Variants in SARDH observed in about 807,000 individuals in gnomAD.
SARDH encodes the protein sarcosine dehydrogenase, mitochondrial.
SARDH carries 95 observed loss-of-function variants against 109.1 expected under a neutral mutation model. The ratio of observed to expected loss-of-function variants is 0.87; its 90% CI spans 0.74 to 1.03. The LOEUF (loss-of-function observed/expected upper bound fraction) is 1.03, where lower values mean the gene tolerates loss of function less well. Ranked by LOEUF, SARDH falls within the 50% of genes least tolerant of loss-of-function variation. The pLI, the probability that SARDH is intolerant of heterozygous loss-of-function variation, is 0.00. For synonymous variants in SARDH, 572 were observed against 534.8 expected (o/e 1.07, Z -0.96); for missense variants, 1,267 against 1,287.8 (o/e 0.98, Z 0.25).
At position 133,725,730 on chromosome 9, in the gene SARDH, T is replaced by G. The variant is rs149545309; in HGVS notation, c.915+4035A>C. 78 of 237,968 alleles carry G rather than the reference T, an allele frequency of 3.3e-4. No homozygotes were observed. The East Asian group carries it at 9.0e-3, about 28-fold the overall frequency. The allele number at this position is 237,968 out of a possible 1,614,324, so 14.7% of individuals were successfully genotyped here. On this transcript the variant is annotated intron_variant, in intron 6 of 20. Transcript: ENST00000439388. Reference sequence around the variant, plus strand: ...AAAAGCAGTGTTTACATCATCATAATATTGCAGAGAGGAACCACTGATTTA... The same window carrying G: ...AAAAGCAGTGTTTACATCATCATAAGATTGCAGAGAGGAACCACTGATTTA...
rs533252336 is a variant in SARDH at position 133,690,552 on chromosome 9, G to C, written c.1922-25C>G. 63 of 1,585,702 alleles carry C rather than the reference G, an allele frequency of 4.0e-5. 1 individual carries two copies. The South Asian group carries it at 6.3e-4, about 16-fold the overall frequency. On this transcript the variant is annotated intron_variant, in intron 15 of 20. Transcript: ENST00000439388. ...CCTGGAAGAGAGGCACCTGGACTTA[G>C]AGCAGGATTTCAGGGCCTGGGAGGT...
Position 133,702,718 on chromosome 9 carries a change from G to A in SARDH, c.1668+198C>T, listed in dbSNP as rs575904517. On this transcript the variant is annotated intron_variant, in intron 13 of 20. Coordinates refer to ENST00000439388, the MANE Select transcript of SARDH (RefSeq NM_001134707.2). ...CAGGCCTGGCTGCTGGCAAAATCTC[G>A]GCACAGAGGGAGGAGGGGGAGAGGA... 1.1e-4 allele frequency among the ~76,000 whole-genome samples: 9 copies of A among 81,476 alleles called. No homozygotes were observed. The East Asian group carries it at 3.9e-3, about 35-fold the overall frequency. 53.5% of individuals were successfully genotyped at this position (81,476 alleles called of 152,430 possible). A position where few individuals can be genotyped will look rare whatever the true frequency, so the allele number is the denominator to read the frequency against.
chr9:133,660,756 C>T (rs1033061249), downstream of SARDH, among the ~76,000 whole-genome samples: 1 of 152,174 alleles, frequency 6.6e-6, no homozygotes, highest in African/African-American at 2.4e-5. Context: ...GTGAGGAATG[C>T]TCATGCCCAT....
At chr9:133,680,599 G>A (rs1564244209) in intron 17 of SARDH, among the ~76,000 whole-genome samples, 1 of 152,238 alleles carries the variant, frequency 6.6e-6, no homozygotes, top group South Asian at 2.1e-4. Flanking sequence ...TCAAGAGGAG[G>A]CAGAGGTCAC....
chr9:133,707,971 C>T (rs1472912432), intron 11 of SARDH, among the ~76,000 whole-genome samples: 2 of 152,206 alleles, frequency 1.3e-5, no homozygotes, highest in Non-Finnish European at 2.9e-5. Flanking sequence ...ACCCCGCCCC[C>T]AGGACCCCTG....
intron 6 of SARDH, among the ~76,000 whole-genome samples, chr9:133,726,329 C>T (rs542905677): frequency 1.6e-4 from 20 of 128,398 alleles, no homozygotes; most frequent in South Asian, 7.7e-4. Context: ...GATCATGCCA[C>T]TGCACTCCAG....
Position 133,666,634 on chromosome 9 carries a change from C to G in SARDH, c.2631+101G>C. 1 of 1,474,748 alleles carries G rather than the reference C, an allele frequency of 6.8e-7. No individual in the cohort carries two copies. Among genetic ancestry groups the G allele is most frequent in the Non-Finnish European group, 9.2e-7 (1 of 1,088,148 alleles). 91.4% of individuals were successfully genotyped at this position (1,474,748 alleles called of 1,614,324 possible). A position where few individuals can be genotyped will look rare whatever the true frequency, so the allele number is the denominator to read the frequency against. On this transcript the variant is annotated intron_variant, in intron 20 of 20. Coordinates refer to ENST00000439388, the MANE Select transcript of SARDH (RefSeq NM_001134707.2). This position sits in a 1 kb window ranked among gnomAD's most constrained non-coding sequence, Gnocchi z 5.2. ...CCTCTTCTGGACCACACCCGTGCCT[C>G]CTCCCTATGCCCGGCACACTCAGGG... is the stretch of plus-strand genomic sequence containing the variant.
At chr9:133,680,045 C>A (rs1355200059) in intron 17 of SARDH, among the ~76,000 whole-genome samples, 3 of 152,230 alleles carry the variant, frequency 2.0e-5, no homozygotes, top group Non-Finnish European at 4.4e-5. Context: ...CGTTTCTTCA[C>A]GTTGAGGGAT....
At chr9:133,735,466 T>C (rs497622) in intron 1 of SARDH, among the ~76,000 whole-genome samples, 66,479 of 152,114 alleles carry the variant, frequency 0.44, 14,809 homozygotes, top group Admixed American at 0.51. Flanking sequence ...GAGAAGGCGC[T>C]GATGAAGACG....
chr9:133,700,986 T>C (rs983849393), intron 13 of SARDH, among the ~76,000 whole-genome samples: 1 of 152,156 alleles, frequency 6.6e-6, no homozygotes, highest in South Asian at 2.1e-4. Flanking sequence ...AGCTGTTTCA[T>C]CTCCTCCCAA....
chr9:133,696,729 C>A (rs1831302778), intron 13 of SARDH, among the ~76,000 whole-genome samples: 2 of 151,968 alleles, frequency 1.3e-5, no homozygotes, highest in African/African-American at 4.8e-5. Flanking sequence ...GCTAAAGAAC[C>A]AATGGATCAA....
chr9:133,734,412 T>TTCATTCACTCAC (rs1832806963), intron 1 of SARDH, among the ~76,000 whole-genome samples: 120 of 127,364 alleles, frequency 9.4e-4, no homozygotes, highest in African/African-American at 3.5e-3. Context: ...CATTCACTCA[T>TTCATTCACTCAC]TCATTCATTC....
chr9:133,734,416 T>C (rs989009559), intron 1 of SARDH, among the ~76,000 whole-genome samples: 276 of 51,004 alleles, frequency 5.4e-3, no homozygotes, highest in Middle Eastern at 0.021. Context: ...CACTCATTCA[T>C]TCATTCATTC....
In SARDH at chr9:133,703,011, A is replaced by AGTAGTC. The variant is rs1831550696; in HGVS notation, c.1567_1572dup (p.Asp523_Tyr524dup). Reference sequence around the variant, plus strand: ...TGCGCGCGGCTCCCGTAAGCCCCGTAGTAGTCGTACTCGAGGACCTGGGAA... The same window carrying AGTAGTC: ...TGCGCGCGGCTCCCGTAAGCCCCGTAGTAGTCGTAGTCGTACTCGAGGACCTGGGAA... On this transcript the variant is annotated inframe_insertion, in exon 13 of 21. Coordinates refer to ENST00000439388, the MANE Select transcript of SARDH (RefSeq NM_001134707.2). The AGTAGTC allele has an allele frequency of 6.2e-7, 1 of 1,613,246 alleles. No homozygotes were observed. Among genetic ancestry groups the AGTAGTC allele is most frequent in the African/African-American group, 1.3e-5 (1 of 74,912 alleles).
intron 18 of SARDH, 150 bp downstream of exon 18, chr9:133,671,385 G>A (rs1446220808): frequency 9.6e-7 from 1 of 1,040,508 alleles, no homozygotes; most frequent in East Asian, 2.7e-5. Flanking sequence ...CAGGCGCTGG[G>A]GTGTAGGGGA....
At chr9:133,687,140 C>T (rs1016298113) in intron 16 of SARDH, among the ~76,000 whole-genome samples, 5 of 152,178 alleles carry the variant, frequency 3.3e-5, no homozygotes, top group African/African-American at 9.7e-5. Context: ...TCTGTGATGC[C>T]ACGGGCCACT....
intron 2 of SARDH, among the ~76,000 whole-genome samples, chr9:133,733,616 G>A (rs1832760057): frequency 6.6e-6 from 1 of 152,172 alleles, no homozygotes; most frequent in Non-Finnish European, 1.5e-5. Flanking sequence ...CACTCTCCAG[G>A]CCACACAAGC....
chr9:133,739,698 G>T (rs894659367), upstream of SARDH: 1 of 152,534 alleles, frequency 6.6e-6, no homozygotes, highest in African/African-American at 2.4e-5. Context: ...CTTACCTGGG[G>T]TGGTGTGGGG....
intron 16 of SARDH, 102 bp downstream of exon 16, chr9:133,690,278 G>T: frequency 2.9e-6 from 4 of 1,376,164 alleles, no homozygotes; most frequent in Non-Finnish European, 4.0e-6. Flanking sequence ...TAACTATTCA[G>T]AATGGCCCAT....
Sources: gnomAD v4.1 joint callset for allele counts (sites outside exome capture counted in the v4.1 genomes callset) on GRCh38, gnomAD v4.1.1 for gene constraint, Gnocchi (gnomAD v3.1) non-coding constraint, MANE v1.5 for transcripts, NCBI Gene and HGNC (gene_info 2026-07-23, HGNC 2026-07-21) for gene names.